The following CPAMD8 variants were observed in gnomAD, a reference collection of about 807,000 sequenced individuals.
CPAMD8 encodes C3 and PZP-like alpha-2-macroglobulin domain-containing protein 8.
A neutral mutation model predicts 224.7 loss-of-function variants in CPAMD8; 146 were observed. The observed-to-expected ratio is 0.65, with a 90% CI of 0.57 to 0.75. The LOEUF (loss-of-function observed/expected upper bound fraction) is 0.75, where lower values mean the gene tolerates loss of function less well. Ranked by LOEUF, CPAMD8 falls within the 30% of genes least tolerant of loss-of-function variation. The pLI is 0.00. For synonymous variants in CPAMD8, 966 were observed against 1,044.6 expected (o/e 0.92, Z 1.45); for missense variants, 2,301 against 2,537.5 (o/e 0.91, Z 2.00).
chr19:17,011,319 G>T, intron 5 of CPAMD8, 145 bp downstream of exon 5: 1 of 904,818 alleles, frequency 1.1e-6, no homozygotes, highest in Non-Finnish European at 1.7e-6. Context: ...GAACTCCCTG[G>T]GGTTCTCCGG....
intron 13 of CPAMD8, among the ~76,000 whole-genome samples, chr19:16,987,179 A>AAAAAATATATATATATATATAT (rs1555784836): frequency 3.7e-5 from 2 of 53,910 alleles, no homozygotes; most frequent in African/African-American, 2.1e-4. Context: ...AAAAAAAAAA[A>AAAAAATATATATATATATATAT]ATATATATAT....
At position 16,928,052 on chromosome 19, in the gene CPAMD8, G is replaced by C. The variant is rs566481459; in HGVS notation, c.3327C>G (p.His1109Gln). The C allele has an allele frequency of 9.3e-6, 15 of 1,613,760 alleles. No homozygotes were observed. The highest frequency in any genetic ancestry group is 6.7e-5 in the African/African-American group (5 of 75,064). The change falls in exon 25 of 42, where the codon CAC (histidine) becomes CAG (glutamine). Residue 1109 changes from histidine to glutamine, a missense_variant. Physicochemically the swap from His to Gln is conservative, Grantham distance 24. Transcript: ENST00000443236. ...CTCGCTCAGACCCAGGGATGGCGCC[G>C]TGTGGGACCCCCAGGGTGAAGGCCT... is the stretch of plus-strand genomic sequence containing the variant. ...YSEAFTLGVP[H>Q]GAIPGSERAT...
At chr19:16,941,822 A>G (rs1292562596) in intron 22 of CPAMD8, among the ~76,000 whole-genome samples, 3 of 151,986 alleles carry the variant, frequency 2.0e-5, no homozygotes, top group Non-Finnish European at 4.4e-5. Context: ...AAAATATAAA[A>G]ATTATCCGGG....
At chr19:16,940,731 G>A (rs1322201640) in intron 22 of CPAMD8, among the ~76,000 whole-genome samples, 4 of 152,120 alleles carry the variant, frequency 2.6e-5, no homozygotes, top group African/African-American at 9.7e-5. Flanking sequence ...ACATCGAGCC[G>A]TCCACCTGCC....
chr19:16,957,185 G>A (rs533921710), intron 19 of CPAMD8, among the ~76,000 whole-genome samples: 3 of 152,280 alleles, frequency 2.0e-5, no homozygotes, highest in Non-Finnish European at 2.9e-5. Flanking sequence ...CCCCAGCTGC[G>A]TGCCTGGCTC....
chr19:16,904,176 A>AGGGGCCCCCCCCCCCCCCCCC, intron 32 of CPAMD8, 50 bp downstream of exon 32: 2 of 937,336 alleles, frequency 2.1e-6, no homozygotes, highest in East Asian at 2.6e-5. Context: ...GACTGCAGGG[A>AGGGGCCCCCCCCCCCCCCCCC]CCCCACCCAC....
At chr19:16,923,117 C>G (rs1304476994) in intron 26 of CPAMD8, among the ~76,000 whole-genome samples, 1 of 152,196 alleles carries the variant, frequency 6.6e-6, no homozygotes. Context: ...GGGAACGGAG[C>G]AGGGAACGAG....
intron 2 of CPAMD8, among the ~76,000 whole-genome samples, chr19:17,021,474 G>T (rs1445151285): frequency 6.6e-6 from 1 of 152,154 alleles, no homozygotes; most frequent in African/African-American, 2.4e-5. Context: ...CATCATTCTC[G>T]GCATGAGGAA....
intron 10 of CPAMD8, among the ~76,000 whole-genome samples, chr19:16,999,869 G>A (rs1449373658): frequency 1.3e-5 from 2 of 151,734 alleles, no homozygotes; most frequent in South Asian, 2.1e-4. Flanking sequence ...TCACTTTGTC[G>A]CCCAGGCCAT....
intron 13 of CPAMD8, among the ~76,000 whole-genome samples, chr19:16,984,609 C>T (rs1227408522): frequency 1.3e-5 from 2 of 152,114 alleles, no homozygotes; most frequent in Non-Finnish European, 2.9e-5. Context: ...GAAAAGATAA[C>T]CCATAGTATA....
rs1568448088 is a variant in CPAMD8 at position 16,899,211 on chromosome 19, G to A, written c.4848+264C>T. On this transcript the variant is annotated intron_variant, in intron 37 of 41. Coordinates refer to ENST00000443236, the MANE Select transcript of CPAMD8 (RefSeq NM_015692.5). This position sits in a 1 kb window ranked among gnomAD's most constrained non-coding sequence, Gnocchi z 5.4. ...GATGGGATTGCAGGCGTAAGCCAAAGGGCCTGGGCACTTTTTTATATTTTT... is the reference window on the plus strand; with the variant it reads ...GATGGGATTGCAGGCGTAAGCCAAAAGGCCTGGGCACTTTTTTATATTTTT... Among the ~76,000 whole-genome samples, 1 of 152,096 alleles carries A rather than the reference G, an allele frequency of 6.6e-6. No individual in the cohort carries two copies. The highest frequency in any genetic ancestry group is 1.5e-5 in the Non-Finnish European group (1 of 68,024).
chr19:17,025,310 G>A lies in CPAMD8; in HGVS notation c.92+1241C>T, dbSNP rs1200340576. Among the ~76,000 whole-genome samples, 6 of 152,326 alleles carry A rather than the reference G, an allele frequency of 3.9e-5. No individual in the cohort carries two copies. The East Asian group carries it at 1.2e-3, about 29-fold the overall frequency. ...GCCTGTAATCCCAGCTACTCAGGAG[G>A]CTGAGGCAGGAGAGTCATTTGAACC... On this transcript the variant is annotated intron_variant, in intron 1 of 41. Coordinates refer to ENST00000443236, the MANE Select transcript of CPAMD8 (RefSeq NM_015692.5).
intron 26 of CPAMD8, 84 bp downstream of exon 26, chr19:16,925,112 C>G: frequency 6.9e-7 from 1 of 1,443,302 alleles, no homozygotes; most frequent in Non-Finnish European, 9.6e-7. Flanking sequence ...GGTGTGTGGG[C>G]CACCTCCAGC....
At chr19:16,946,220 T>C (rs1258846067) in intron 21 of CPAMD8, among the ~76,000 whole-genome samples, 1 of 150,952 alleles carries the variant, frequency 6.6e-6, no homozygotes, top group Non-Finnish European at 1.5e-5. Context: ...CATGTGTCTG[T>C]GTGTGTGGAT....
chr19:16,926,660 C>T (rs1470953239), intron 25 of CPAMD8, among the ~76,000 whole-genome samples: 3 of 152,194 alleles, frequency 2.0e-5, no homozygotes, highest in Non-Finnish European at 2.9e-5. Context: ...ACTGAGGCTG[C>T]CATTGCCCCT....
chr19:16,914,226 G>T (rs1278276672), intron 29 of CPAMD8, among the ~76,000 whole-genome samples, 198 bp downstream of exon 29: 1 of 152,010 alleles, frequency 6.6e-6, no homozygotes, highest in Non-Finnish European at 1.5e-5. Context: ...AGTAGCATGG[G>T]AATCTCTCTC....
intron 34 of CPAMD8, 40 bp downstream of exon 34, chr19:16,903,521 G>A (rs910166714): frequency 9.3e-6 from 15 of 1,612,972 alleles, no homozygotes; most frequent in Non-Finnish European, 1.3e-5. Context: ...GGGCACAGGA[G>A]GACAAGCCCA....
At chr19:16,905,237 G>A (rs2052423357) in intron 30 of CPAMD8, among the ~76,000 whole-genome samples, 1 of 151,276 alleles carries the variant, frequency 6.6e-6, no homozygotes, top group African/African-American at 2.4e-5. Flanking sequence ...GACAGAGTGA[G>A]ACTGTCTCAA....
At chr19:16,958,113 A>G (rs2054532590) in intron 18 of CPAMD8, among the ~76,000 whole-genome samples, 198 bp from the exon 19 acceptor site, 1 of 152,230 alleles carries the variant, frequency 6.6e-6, no homozygotes, top group African/African-American at 2.4e-5. Flanking sequence ...TGATTAGGAC[A>G]TAACTTGTTT....
Sources: gnomAD v4.1 joint callset for allele counts (sites outside exome capture counted in the v4.1 genomes callset) on GRCh38, gnomAD v4.1.1 for gene constraint, Gnocchi (gnomAD v3.1) non-coding constraint, MANE v1.5 for transcripts, NCBI Gene and HGNC (gene_info 2026-07-23, HGNC 2026-07-21) for gene names.